Variants in ABHD17C observed in about 807,000 individuals in gnomAD.
The protein encoded by ABHD17C is alpha/beta hydrolase domain-containing protein 17C.
In ABHD17C, 11 loss-of-function variants were observed where a neutral mutation model predicts 27.9. The observed-to-expected ratio is 0.39, with a 90% confidence interval of 0.25 to 0.65. The LOEUF (loss-of-function observed/expected upper bound fraction) is 0.65, where lower values mean the gene tolerates loss of function less well. ABHD17C is among the 30% of genes least tolerant of loss of function. The pLI, the probability that ABHD17C is intolerant of heterozygous loss-of-function variation, is 0.45. For missense variants in ABHD17C, 280 were observed against 470.2 expected, an observed-to-expected ratio of 0.60 and a Z score of 3.74; for synonymous variants, 233 against 209.1, an observed-to-expected ratio of 1.11 and a Z score of -0.98.
intron 2 of ABHD17C, among the ~76,000 whole-genome samples, chr15:80,750,250 G>A (rs1241910383): frequency 5.3e-5 from 8 of 152,154 alleles, no homozygotes; most frequent in Non-Finnish European, 7.4e-5. Flanking sequence ...TTTGATCTTC[G>A]GTAAATAGCC....
At chr15:80,720,935 A>AT (rs1195798594) in intron 1 of ABHD17C, among the ~76,000 whole-genome samples, 10 of 151,766 alleles carry the variant, frequency 6.6e-5, no homozygotes, top group East Asian at 3.9e-4. Flanking sequence ...AAAAAAAAAA[A>AT]ATATTAATTT....
At chr15:80,733,790 A>G (rs1031667342) in intron 1 of ABHD17C, among the ~76,000 whole-genome samples, 1 of 152,198 alleles carries the variant, frequency 6.6e-6, no homozygotes, top group Admixed American at 6.5e-5. Flanking sequence ...AAACAATTAG[A>G]AATTAGATAC....
chr15:80,741,423 G>A (rs1044336997), intron 1 of ABHD17C, among the ~76,000 whole-genome samples: 96 of 151,416 alleles, frequency 6.3e-4, no homozygotes, highest in Non-Finnish European at 1.0e-4. Context: ...TTTGGCAGCA[G>A]TTGTCTTTTT....
At chr15:80,749,880 A>C (rs1462279720) in intron 2 of ABHD17C, among the ~76,000 whole-genome samples, 188 bp downstream of exon 2, 26 of 152,290 alleles carry the variant, frequency 1.7e-4, no homozygotes, top group Non-Finnish European at 3.1e-4. Context: ...CCCAGGCCTG[A>C]CTCACTTGTG....
chr15:80,708,842 G>T (rs141299722), intron 1 of ABHD17C, among the ~76,000 whole-genome samples: 1 of 152,128 alleles, frequency 6.6e-6, no homozygotes, highest in East Asian at 1.9e-4. Flanking sequence ...GCCAGACCCC[G>T]TCCTCAAAGA....
At chr15:80,702,302 C>T (rs1894583902) in intron 1 of ABHD17C, among the ~76,000 whole-genome samples, 1 of 152,052 alleles carries the variant, frequency 6.6e-6, no homozygotes, top group African/African-American at 2.4e-5. Flanking sequence ...AGTCTCAGAC[C>T]AGCCTGGGCA....
intron 1 of ABHD17C, among the ~76,000 whole-genome samples, chr15:80,728,893 G>A (rs1167405269): frequency 2.0e-5 from 3 of 152,172 alleles, no homozygotes; most frequent in Non-Finnish European, 4.4e-5. Flanking sequence ...TTACAGGAAT[G>A]AGCCACCACG....
intron 1 of ABHD17C, among the ~76,000 whole-genome samples, chr15:80,732,088 C>G (rs540117790): frequency 1.3e-5 from 2 of 152,302 alleles, no homozygotes; most frequent in Admixed American, 6.5e-5. Flanking sequence ...TTCCAAATTG[C>G]TTTTCCCTGT....
chr15:80,729,373 T>G (rs1895026083), intron 1 of ABHD17C, among the ~76,000 whole-genome samples: 1 of 152,250 alleles, frequency 6.6e-6, no homozygotes, highest in African/African-American at 2.4e-5. Context: ...ATCTTAATAT[T>G]TTCATAAATA....
At chr15:80,739,328 C>T (rs1294562436) in intron 1 of ABHD17C, among the ~76,000 whole-genome samples, 2 of 152,214 alleles carry the variant, frequency 1.3e-5, no homozygotes, top group African/African-American at 2.4e-5. Context: ...CATGCCTTAG[C>T]TACTGCCCTA....
chr15:80,751,250 C>T (rs1596075295), intron 2 of ABHD17C, among the ~76,000 whole-genome samples: 1 of 152,052 alleles, frequency 6.6e-6, no homozygotes, highest in East Asian at 1.9e-4. Flanking sequence ...ATCCCAGCTA[C>T]TGGGGAGGCT....
chr15:80,695,896 G>C lies in ABHD17C; in HGVS notation c.467G>C (p.Gly156Ala). The change falls in exon 1 of 3, where the codon GGC becomes GCC. Residue 156 changes from glycine (G) to alanine (A), a missense_variant. Gly to Ala is a moderately conservative substitution (Grantham distance 60). Around this residue, in one of 2 missense-constraint regions of ABHD17C, gnomAD observed 206 missense variants for 394.7 expected, o/e 0.52. Transcript: ENST00000258884. This position sits in a 1 kb window ranked among gnomAD's most constrained non-coding sequence, Gnocchi z 4.3. ...ATGTGCAGCTTCTACATTGGCCTCG[G>C]CTCCCGCATCAACTGCAACATCTTC... Reference protein sequence around the residue: ...GQMCSFYIGLGSRINCNIFSY... With the variant: ...GQMCSFYIGLASRINCNIFSY... 6.3e-7 allele frequency: 1 copy of C among 1,597,306 alleles called. No individual in the cohort carries two copies. The highest frequency in any genetic ancestry group is 8.5e-7 in the Non-Finnish European group (1 of 1,179,220).
intron 1 of ABHD17C, among the ~76,000 whole-genome samples, chr15:80,738,523 A>G (rs1293638499): frequency 6.6e-6 from 1 of 152,244 alleles, no homozygotes; most frequent in East Asian, 1.9e-4. Flanking sequence ...GTAGCCCACC[A>G]CAAAGCAACA....
chr15:80,727,231 C>T (rs4778848), intron 1 of ABHD17C, among the ~76,000 whole-genome samples: 1 of 152,038 alleles, frequency 6.6e-6, no homozygotes, highest in Non-Finnish European at 1.5e-5. Context: ...AGATCTGAAT[C>T]GTCTAGGGTC....
At chr15:80,720,528 GC>G (rs1401055560) in intron 1 of ABHD17C, among the ~76,000 whole-genome samples, 1 of 151,866 alleles carries the variant, frequency 6.6e-6, no homozygotes, top group Non-Finnish European at 1.5e-5. Flanking sequence ...CTTGAAGCTG[GC>G]CTGTTTTTTC....
chr15:80,706,235 T>A (rs1894646722), intron 1 of ABHD17C, among the ~76,000 whole-genome samples: 1 of 152,212 alleles, frequency 6.6e-6, no homozygotes, highest in Non-Finnish European at 1.5e-5. Context: ...ATGGAGCTCA[T>A]TGATAACTCC....
chr15:80,753,302 A>C (rs553698739), intron 2 of ABHD17C, among the ~76,000 whole-genome samples: 3 of 152,298 alleles, frequency 2.0e-5, no homozygotes, highest in African/African-American at 4.8e-5. Context: ...AAAATACTTC[A>C]ACAAACACAA....
At chr15:80,748,153 C>G (rs1181981244) in intron 1 of ABHD17C, among the ~76,000 whole-genome samples, 1 of 152,174 alleles carries the variant, frequency 6.6e-6, no homozygotes, top group Non-Finnish European at 1.5e-5. Context: ...TTTAGGGCCT[C>G]CATTCTTCCA....
chr15:80,750,591 A>G (rs916029199), intron 2 of ABHD17C, among the ~76,000 whole-genome samples: 2 of 152,234 alleles, frequency 1.3e-5, no homozygotes, highest in African/African-American at 2.4e-5. Flanking sequence ...ATAAACATCT[A>G]TTATACAGAC....
Sources: gnomAD v4.1 joint callset for allele counts (sites outside exome capture counted in the v4.1 genomes callset) on GRCh38, gnomAD v4.1.1 for gene constraint, gnomAD v4.1.1 regional missense constraint, Gnocchi (gnomAD v3.1) non-coding constraint, MANE v1.5 for transcripts, NCBI Gene and HGNC (gene_info 2026-07-23, HGNC 2026-07-21) for gene names.